The following TNRC6B variants were observed in gnomAD, a reference collection of about 807,000 sequenced individuals.
The protein encoded by TNRC6B is trinucleotide repeat containing adaptor 6B, also known as trinucleotide repeat-containing gene 6B protein.
TNRC6B carries 52 observed loss-of-function variants against 203.6 expected under a neutral mutation model. The ratio of observed to expected loss-of-function variants is 0.26; its 90% confidence interval spans 0.20 to 0.32. The LOEUF (loss-of-function observed/expected upper bound fraction) is 0.32. Among genes scored for constraint, TNRC6B ranks in the 10% least tolerant of loss-of-function variants. The pLI is 1.00. For synonymous variants in TNRC6B, 838 were observed against 845.7 expected (o/e 0.99, Z 0.16); for missense variants, 1,923 against 2,286.2 (o/e 0.84, Z 3.24).
chr22:40,082,013 G>T (rs572102082), intron 1 of TNRC6B, among the ~76,000 whole-genome samples: 3 of 151,890 alleles, frequency 2.0e-5, no homozygotes, highest in African/African-American at 7.3e-5. Context: ...CAAGCTAGCC[G>T]CAGTGCGAGG....
At chr22:40,093,901 A>T (rs2068167621) in intron 1 of TNRC6B, among the ~76,000 whole-genome samples, 1 of 152,062 alleles carries the variant, frequency 6.6e-6, no homozygotes, top group Admixed American at 6.5e-5. Flanking sequence ...GCACAATAGG[A>T]TGCCTATAGA....
chr22:40,295,931 A>G (rs1380746994), intron 12 of TNRC6B, among the ~76,000 whole-genome samples: 2 of 152,110 alleles, frequency 1.3e-5, no homozygotes, highest in Non-Finnish European at 2.9e-5. Context: ...CAGAGAAAGA[A>G]TTTGTGAAGA....
Position 40,151,504 on chromosome 22 carries a change from C to T in TNRC6B, c.46-4611C>T, listed in dbSNP as rs1374205400. Among the ~76,000 whole-genome samples, 5 of 136,758 alleles carry T rather than the reference C, an allele frequency of 3.7e-5. No individual in the cohort carries two copies. The East Asian group carries it at 1.0e-3, about 28-fold the overall frequency. 89.7% of individuals were successfully genotyped at this position (136,758 alleles called of 152,430 possible). ...GCAATGAGCTGAGATCATGCTACTA[C>T]ACTTCAGCCTGGGCGACAGTGAGAC... On this transcript the variant is annotated intron_variant, in intron 3 of 23. Transcript: ENST00000301923.
rs192966190 is a variant in TNRC6B at position 40,169,157 on chromosome 22, G to C, written c.113+12975G>C. On this transcript the variant is annotated intron_variant, in intron 4 of 23. Transcript: ENST00000301923. ...TTTTTTTTTTTTTTTTTTTGAGACG[G>C]AGTCTTGCTCTGTTGCCAGGCTGGA... is the stretch of plus-strand genomic sequence containing the variant. 2.4e-3 allele frequency among the ~76,000 whole-genome samples: 354 copies of C among 145,534 alleles called. 2 individuals are homozygous for C. The highest frequency in any genetic ancestry group is 7.8e-3 in the African/African-American group (307 of 39,342).
intron 12 of TNRC6B, among the ~76,000 whole-genome samples, chr22:40,295,390 C>T (rs1334045734): frequency 2.0e-5 from 3 of 150,894 alleles, no homozygotes; most frequent in Non-Finnish European, 2.9e-5. Flanking sequence ...AGGAGAATCG[C>T]TTGAGCCCGA....
chr22:40,269,975 G>T, intron 5 of TNRC6B, 147 bp from the exon 6 acceptor site: 2 of 718,304 alleles, frequency 2.8e-6, no homozygotes. Context: ...AAGTAGCATT[G>T]CCAAATACCC....
At position 40,332,815 on chromosome 22, in the gene TNRC6B, G is replaced by A. The variant is rs2043997031; in HGVS notation, c.*9574G>A. The A allele has an allele frequency of 1.3e-5, 2 of 152,714 alleles. No homozygotes were observed. The highest frequency in any genetic ancestry group is 4.1e-4 in the South Asian group (2 of 4,826). 9.5% of individuals were successfully genotyped at this position (152,714 alleles called of 1,614,324 possible). A position where few individuals can be genotyped will look rare whatever the true frequency, so the allele number is the denominator to read the frequency against. ...ATTATCCTTTTTAAAATATGAACAT[G>A]TAAATAGCAGGATAACTTTAAAAAA... is the stretch of plus-strand genomic sequence containing the variant. On this transcript the variant is annotated 3_prime_UTR_variant, in exon 23 of 23. Coordinates refer to ENST00000454349, the MANE Select transcript of TNRC6B (RefSeq NM_001162501.2).
chr22:40,268,161 C>T (rs5750926), intron 5 of TNRC6B, among the ~76,000 whole-genome samples: 48,251 of 152,090 alleles, frequency 0.32, 9,499 homozygotes, highest in East Asian at 0.57. Flanking sequence ...GATCTCGGCT[C>T]GCTATAACCT....
intron 3 of TNRC6B, among the ~76,000 whole-genome samples, chr22:40,138,992 A>C (rs1033207314): frequency 2.0e-5 from 3 of 152,178 alleles, no homozygotes; most frequent in Non-Finnish European, 2.9e-5. Context: ...TATACAGCTC[A>C]ATGGTTTTCA....
At chr22:40,201,119 C>T (rs78426300) in intron 1 of TNRC6B, among the ~76,000 whole-genome samples, 114 of 152,286 alleles carry the variant, frequency 7.5e-4, no homozygotes, top group African/African-American at 2.5e-3. Flanking sequence ...CACTGAGGGA[C>T]GTTTAGGTTA....
Position 40,169,257 on chromosome 22 carries a change from G to A in TNRC6B, c.113+13075G>A, listed in dbSNP as rs148660674. On this transcript the variant is annotated intron_variant, in intron 4 of 23. Transcript: ENST00000301923. ...AGCTATTCTCCTCCCTCAGCCTCCC[G>A]AGTAGCTGGGATCACAGGTGCGCAC... is the stretch of plus-strand genomic sequence containing the variant. 1.0e-3 allele frequency among the ~76,000 whole-genome samples: 150 copies of A among 149,880 alleles called. 2 individuals are homozygous for A. The highest frequency in any genetic ancestry group is 3.5e-3 in the African/African-American group (142 of 40,636).
intron 1 of TNRC6B, among the ~76,000 whole-genome samples, chr22:40,209,982 C>T (rs2069538663): frequency 6.7e-6 from 1 of 148,722 alleles, no homozygotes; most frequent in East Asian, 2.0e-4. Context: ...TGCATCGCTG[C>T]ACTCTAGCCT....
At chr22:40,056,510 C>T (rs1336638926) in intron 1 of TNRC6B, among the ~76,000 whole-genome samples, 1 of 152,086 alleles carries the variant, frequency 6.6e-6, no homozygotes, top group Non-Finnish European at 1.5e-5. Context: ...GATAGAAAAT[C>T]AGGCTGGGTG....
intron 1 of TNRC6B, among the ~76,000 whole-genome samples, chr22:40,183,061 A>C (rs1356640791): frequency 2.6e-5 from 2 of 77,272 alleles, no homozygotes; most frequent in Non-Finnish European, 4.5e-5. Flanking sequence ...TGTATCCCCA[A>C]CATCTAGAAC....
chr22:40,174,091 G>A (rs1019471570), upstream of TNRC6B, among the ~76,000 whole-genome samples: 17 of 151,238 alleles, frequency 1.1e-4, no homozygotes, highest in Admixed American at 5.9e-4. Flanking sequence ...GAGCCACCAC[G>A]CCCAGCCTTT....
intron 1 of TNRC6B, among the ~76,000 whole-genome samples, chr22:40,100,545 A>AT (rs1395254445): frequency 2.6e-5 from 4 of 152,102 alleles, no homozygotes; most frequent in African/African-American, 9.7e-5. Flanking sequence ...TGTCAGGCTA[A>AT]TTAAAAAAAA....
At chr22:40,060,483 C>T (rs115820957) in intron 1 of TNRC6B, among the ~76,000 whole-genome samples, 1,915 of 152,272 alleles carry the variant, frequency 0.013, 44 homozygotes, top group African/African-American at 0.043. Flanking sequence ...TTTCCAAATA[C>T]TTGGAAGTTT....
In TNRC6B at chr22:40,106,297, A is replaced by AAAAAT. The variant is rs1478274752; in HGVS notation, c.-120-10755_-120-10751dup. The AAAAAT allele has an allele frequency of 3.5e-5, 24 of 686,816 alleles. 2 individuals are homozygous for AAAAAT. Among genetic ancestry groups the AAAAAT allele is most frequent in the Admixed American group, 3.4e-4 (15 of 44,740 alleles). The allele number at this position is 686,816 out of a possible 1,614,324, so 42.5% of individuals were successfully genotyped here. A position where few individuals can be genotyped will look rare whatever the true frequency, so the allele number is the denominator to read the frequency against. Reference sequence around the variant, plus strand: ...ACTGTTTATTAACTGACCAGCTTAGAAAAATAATCATGGTAGACACCTTAG... The same window carrying AAAAAT: ...ACTGTTTATTAACTGACCAGCTTAGAAAAATAAAATAATCATGGTAGACACCTTAG... On this transcript the variant is annotated intron_variant, in intron 1 of 23. Transcript: ENST00000301923.
At chr22:40,141,038 G>A (rs932582781) in intron 3 of TNRC6B, among the ~76,000 whole-genome samples, 1 of 151,888 alleles carries the variant, frequency 6.6e-6, no homozygotes, top group African/African-American at 2.4e-5. Flanking sequence ...AAAGTACAGA[G>A]AATAAAATAA....
Sources: gnomAD v4.1 joint callset for allele counts (sites outside exome capture counted in the v4.1 genomes callset) on GRCh38, gnomAD v4.1.1 for gene constraint, MANE v1.5 for transcripts, NCBI Gene and HGNC (gene_info 2026-07-23, HGNC 2026-07-21) for gene names.